The following SYNE1 variants were observed in gnomAD, a reference collection of about 807,000 sequenced individuals.
SYNE1 encodes the protein nesprin-1.
A neutral mutation model predicts 1,111.0 loss-of-function variants in SYNE1; 616 were observed. The ratio of observed to expected loss-of-function variants is 0.55; its 90% CI spans 0.52 to 0.59. The LOEUF (loss-of-function observed/expected upper bound fraction) is 0.59. Among genes scored for constraint, SYNE1 ranks in the 20% least tolerant of loss-of-function variants. The pLI, the probability that SYNE1 is intolerant of heterozygous loss-of-function variation, is 0.00. For missense variants in SYNE1, 10,006 were observed against 10,417.0 expected (o/e 0.96, Z 1.72); for synonymous variants, 3,855 against 3,825.8 (o/e 1.01, Z -0.28).
At chr6:152,238,534 G>A (rs2084768563) in intron 108 of SYNE1, among the ~76,000 whole-genome samples, 1 of 152,110 alleles carries the variant, frequency 6.6e-6, no homozygotes, top group South Asian at 2.1e-4. Context: ...TCCACATCTG[G>A]GATTTGGGGG....
At chr6:152,593,882 A>G (rs1048412628) in intron 3 of SYNE1, among the ~76,000 whole-genome samples, 1 of 152,188 alleles carries the variant, frequency 6.6e-6, no homozygotes, top group African/African-American at 2.4e-5. Context: ...TGTTCGCAGC[A>G]TGTTAGTAAC....
chr6:152,263,571 T>A (rs1007038775), intron 100 of SYNE1, among the ~76,000 whole-genome samples: 1 of 151,546 alleles, frequency 6.6e-6, no homozygotes. Context: ...TTTTTTTTTT[T>A]AATTCTTTGT....
intron 76 of SYNE1, chr6:152,336,495 ATTAG>A (rs1156229572): frequency 9.2e-6 from 3 of 325,690 alleles, no homozygotes; most frequent in Non-Finnish European, 1.2e-5. Context: ...ATCATCAGAT[ATTAG>A]TTAGATTATC....
chr6:152,259,321 G>A (rs1366151788), intron 101 of SYNE1, among the ~76,000 whole-genome samples: 2 of 151,970 alleles, frequency 1.3e-5, no homozygotes, highest in African/African-American at 4.8e-5. Flanking sequence ...TCGGGTTATA[G>A]GTTCTCAGAA....
intron 74 of SYNE1, among the ~76,000 whole-genome samples, chr6:152,343,330 T>A (rs1439172753): frequency 6.6e-6 from 1 of 151,542 alleles, no homozygotes; most frequent in African/African-American, 2.4e-5. Context: ...AGCTAATTTG[T>A]GTATTTTTAG....
intron 3 of SYNE1, among the ~76,000 whole-genome samples, chr6:152,565,669 TA>T (rs397886571): frequency 0.032 from 4,458 of 141,236 alleles, 105 homozygotes; most frequent in African/African-American, 0.071. Context: ...TGCTGAAGTT[TA>T]AAAAAAAAAA....
chr6:152,515,827 C>T (rs1309012522), intron 6 of SYNE1, among the ~76,000 whole-genome samples: 1 of 152,206 alleles, frequency 6.6e-6, no homozygotes, highest in African/African-American at 2.4e-5. Flanking sequence ...ACCACAGTCA[C>T]ATTTACACAT....
intron 8 of SYNE1, among the ~76,000 whole-genome samples, chr6:152,509,323 C>T (rs1052611553): frequency 8.4e-5 from 11 of 131,466 alleles, no homozygotes; most frequent in Non-Finnish European, 1.5e-4. Context: ...CAATCTTGAT[C>T]TCAGCTCACT....
At chr6:152,557,898 C>G (rs1427792245) in intron 3 of SYNE1, among the ~76,000 whole-genome samples, 1 of 99,362 alleles carries the variant, frequency 1.0e-5, no homozygotes, top group Non-Finnish European at 2.1e-5. Flanking sequence ...GTAAAGGTAA[C>G]ATATAGTCAA....
Position 152,441,262 on chromosome 6 carries a change from T to C in SYNE1, c.4017A>G (p.Leu1339=). The C allele has an allele frequency of 1.2e-6, 2 of 1,606,404 alleles. No homozygotes were observed. Among genetic ancestry groups the C allele is most frequent in the Middle Eastern group, 1.7e-4 (1 of 5,896 alleles). ...TTGTTTCAAATCGCTCCCATTTTCTTAATGTGACCTAAATTTGAAAAAATA... is the reference window on the plus strand; with the variant it reads ...TTGTTTCAAATCGCTCCCATTTTCTCAATGTGACCTAAATTTGAAAAAATA... The part of the protein sequence containing the change: ...ERQERRIQVT[L]RKWERFETNK... The change falls in exon 32 of 146, where the codon TTA becomes TTG. Residue 1339 remains leucine, a synonymous_variant. Coordinates refer to ENST00000367255, the MANE Select transcript of SYNE1 (RefSeq NM_182961.4).
At chr6:152,373,611 G>GAAGT (rs1275365704) in intron 58 of SYNE1, among the ~76,000 whole-genome samples, 5 of 152,140 alleles carry the variant, frequency 3.3e-5, no homozygotes, top group Non-Finnish European at 7.4e-5. Context: ...CAAAGAAAAG[G>GAAGT]AAGTAAGCTC....
chr6:152,198,104 G>T (rs1048149138), intron 127 of SYNE1, among the ~76,000 whole-genome samples: 1 of 151,852 alleles, frequency 6.6e-6, no homozygotes, highest in African/African-American at 2.4e-5. Flanking sequence ...GAGGGAGGGA[G>T]GGTAACCACT....
intron 96 of SYNE1, among the ~76,000 whole-genome samples, chr6:152,283,523 TTTTG>T (rs1039410283): frequency 4.5e-4 from 69 of 152,176 alleles, no homozygotes; most frequent in Middle Eastern, 3.4e-3. Context: ...GACTGTTTTG[TTTTG>T]TTTGTTTGTT....
In SYNE1 at chr6:152,321,823, C is replaced by A; in HGVS notation, c.15981G>T (p.Met5327Ile). 1 of 1,613,974 alleles carries A rather than the reference C, an allele frequency of 6.2e-7. No individual in the cohort carries two copies. The highest frequency in any genetic ancestry group is 8.5e-7 in the Non-Finnish European group (1 of 1,179,966). ...LVKQELKDRE[M>I]VETQINSVKC... ...TCACAGAATTGATCTGAGTCTCCACCATTTCTCGGTCCTTCAGCTCTTGCT... is the reference window on the plus strand; with the variant it reads ...TCACAGAATTGATCTGAGTCTCCACAATTTCTCGGTCCTTCAGCTCTTGCT... Residue 5327 changes from methionine (M) to isoleucine (I), a missense_variant, in exon 83 of 146, where the codon ATG (methionine) becomes ATT (isoleucine). By Grantham distance (10) the Met-to-Ile change is conservative. Coordinates refer to ENST00000367255, the MANE Select transcript of SYNE1 (RefSeq NM_182961.4).
intron 45 of SYNE1, among the ~76,000 whole-genome samples, chr6:152,405,544 A>C (rs1220920751): frequency 2.0e-5 from 3 of 152,230 alleles, no homozygotes; most frequent in African/African-American, 7.2e-5. Flanking sequence ...TTTAGTTGTC[A>C]TTACCTTTGA....
chr6:152,390,284 G>C lies in SYNE1; in HGVS notation c.8173C>G (p.Gln2725Glu). 6.2e-7 allele frequency: 1 copy of C among 1,613,940 alleles called. No homozygotes were observed. Among genetic ancestry groups the C allele is most frequent in the Non-Finnish European group, 8.5e-7 (1 of 1,179,942 alleles). The change falls in exon 53 of 146, where the codon CAA (glutamine) becomes GAA (glutamate). Residue 2725 changes from glutamine to glutamate, a missense_variant. Physicochemically the swap from Gln to Glu is conservative, Grantham distance 29 (BLOSUM62 2). Around this residue, in one of 7 missense-constraint regions of SYNE1, gnomAD observed 4,955 missense variants for 5,017.2 expected, o/e 0.99. Transcript: ENST00000367255. ...CTCTAAAAATAGGTTCTGTACCTTTGAGCGTGGACGGAGGAGCTCATGATG... is the reference window on the plus strand; with the variant it reads ...CTCTAAAAATAGGTTCTGTACCTTTCAGCGTGGACGGAGGAGCTCATGATG... Reference protein sequence around the residue: ...ADIMSSSVHAQSTLESVISQW... With the variant: ...ADIMSSSVHAESTLESVISQW...
intron 14 of SYNE1, among the ~76,000 whole-genome samples, chr6:152,480,145 T>C (rs1215194238): frequency 1.3e-5 from 2 of 152,186 alleles, no homozygotes; most frequent in Admixed American, 6.5e-5. Context: ...GTGAGCCCAA[T>C]ATACCAGCAC....
At chr6:152,372,814 A>G (rs2097211713) in intron 59 of SYNE1, among the ~76,000 whole-genome samples, 1 of 152,208 alleles carries the variant, frequency 6.6e-6, no homozygotes, top group African/African-American at 2.4e-5. Flanking sequence ...CAAGTCAGTG[A>G]CAATAGACCC....
intron 82 of SYNE1, among the ~76,000 whole-genome samples, chr6:152,323,147 TCAGTAA>T (rs2095924485): frequency 6.6e-6 from 1 of 152,180 alleles, no homozygotes; most frequent in African/African-American, 2.4e-5. Context: ...AAGGCCAAGT[TCAGTAA>T]CAGAATGAAA....
Sources: allele counts gnomAD v4.1 joint callset (sites outside exome capture counted in the v4.1 genomes callset), GRCh38; gene constraint gnomAD v4.1.1; regional missense constraint gnomAD v4.1.1; transcripts MANE v1.5; gene names NCBI Gene and HGNC (gene_info 2026-07-23, HGNC 2026-07-21).